SGIP1: variants seen among roughly 807,000 people sequenced by gnomAD.
The protein encoded by SGIP1 is SH3GL interacting endocytic adaptor 1.
SGIP1 carries 38 observed loss-of-function variants against 107.5 expected under a neutral mutation model. The observed-to-expected ratio is 0.35, with a 90% CI of 0.27 to 0.46. The LOEUF is 0.46. Among genes scored for constraint, SGIP1 ranks in the 20% least tolerant of loss-of-function variants. The pLI, the probability that SGIP1 is intolerant of heterozygous loss-of-function variation, is 1.00. For missense variants in SGIP1, 929 were observed against 1,019.5 expected (o/e 0.91, Z 1.21); for synonymous variants, 365 against 366.1 (o/e 1.00, Z 0.03).
At chr1:66,740,820 G>A in intron 23 of SGIP1, 98 bp downstream of exon 23, 1 of 749,978 alleles carries the variant, frequency 1.3e-6, no homozygotes, top group Non-Finnish European at 2.2e-6. Flanking sequence ...ATAAAAACAA[G>A]CAGAATATTT....
chr1:66,561,861 C>T (rs748028344), intron 1 of SGIP1, among the ~76,000 whole-genome samples: 4 of 152,058 alleles, frequency 2.6e-5, no homozygotes, highest in Non-Finnish European at 5.9e-5. Flanking sequence ...TATTAGTACT[C>T]ATTTCTACAT....
chr1:66,673,174 C>T, intron 11 of SGIP1, 107 bp from the exon 12 acceptor site: 1 of 1,125,212 alleles, frequency 8.9e-7, no homozygotes. Context: ...CACTGGTGCA[C>T]ACACACACTT....
chr1:66,660,016 CAGGA>C lies in SGIP1; in HGVS notation c.460-475_460-472del, dbSNP rs1185972938. The C allele has an allele frequency of 5.7e-3, 213 of 37,274 alleles. 13 individuals are homozygous for C. The highest frequency in any genetic ancestry group is 7.4e-3 in the Admixed American group (13 of 1,756). The allele number at this position is 37,274 out of a possible 1,614,324, so 2.3% of individuals were successfully genotyped here. On this transcript the variant is annotated intron_variant, in intron 7 of 24. Transcript: ENST00000371037. Reference sequence around the variant, plus strand: ...AAAGAAAGACAGACAGACAGACAGACAGGAAGGAAGGAAGGAAGGAAGGAAAGAA... The same window carrying C: ...AAAGAAAGACAGACAGACAGACAGACAGGAAGGAAGGAAGGAAGGAAAGAA...
intron 18 of SGIP1, among the ~76,000 whole-genome samples, chr1:66,706,256 A>G (rs2092494438): frequency 6.7e-6 from 1 of 148,962 alleles, no homozygotes; most frequent in African/African-American, 2.4e-5. Flanking sequence ...TATTACCTTT[A>G]TCTCACATTT....
chr1:66,668,818 G>A (rs1003898404), intron 9 of SGIP1, among the ~76,000 whole-genome samples: 1 of 152,200 alleles, frequency 6.6e-6, no homozygotes, highest in Non-Finnish European at 1.5e-5. Context: ...ATCATTCAAA[G>A]TGAGGAAATT....
At chr1:66,679,815 C>A in intron 14 of SGIP1, 63 bp downstream of exon 14, 1 of 1,425,312 alleles carries the variant, frequency 7.0e-7, no homozygotes, top group Non-Finnish European at 9.4e-7. Context: ...CCCGGATGAA[C>A]ATGCCCTTGA....
Position 66,695,415 on chromosome 1 carries a change from T to A in SGIP1, c.1571-19T>A. On this transcript the variant is annotated intron_variant, in intron 17 of 24. Coordinates refer to ENST00000371037, the MANE Select transcript of SGIP1 (RefSeq NM_032291.4). The stretch of plus-strand genomic sequence containing the variant: ...TTTCCTTAACCCTTCCCATCCCGCT[T>A]CAACTCCTGGCCATACAGAGAATGA... 1 of 1,614,174 alleles carries A rather than the reference T, an allele frequency of 6.2e-7. No homozygotes were observed. The highest frequency in any genetic ancestry group is 8.5e-7 in the Non-Finnish European group (1 of 1,180,020).
chr1:66,669,212 G>C (rs972090366), intron 9 of SGIP1, among the ~76,000 whole-genome samples: 8 of 152,210 alleles, frequency 5.3e-5, no homozygotes, highest in African/African-American at 1.4e-4. Flanking sequence ...TAATAAAAAT[G>C]TTACAGGGGC....
At chr1:66,617,920 C>T (rs12032691) in intron 1 of SGIP1, among the ~76,000 whole-genome samples, 22,437 of 152,100 alleles carry the variant, frequency 0.15, 2,191 homozygotes, top group East Asian at 0.46. Context: ...TCTGAAGTCA[C>T]GAGGAGCCTG....
In SGIP1 at chr1:66,534,213, T is replaced by G. The variant is rs1378409130; in HGVS notation, c.-146T>G. 1 of 789,244 alleles carries G rather than the reference T, an allele frequency of 1.3e-6. No homozygotes were observed. The highest frequency in any genetic ancestry group is 2.2e-6 in the Non-Finnish European group (1 of 461,160). 48.9% of individuals were successfully genotyped at this position (789,244 alleles called of 1,614,324 possible). A position where few individuals can be genotyped will look rare whatever the true frequency, so the allele number is the denominator to read the frequency against. On this transcript the variant is annotated 5_prime_UTR_variant, in exon 1 of 25. Coordinates refer to ENST00000371037, the MANE Select transcript of SGIP1 (RefSeq NM_032291.4). Reference sequence around the variant, plus strand: ...CCAGCAGCATCCATGGCCTGTCTTTTGGCTTAACACTTATCTCCTTTGGCT... The same window carrying G: ...CCAGCAGCATCCATGGCCTGTCTTTGGGCTTAACACTTATCTCCTTTGGCT...
intron 2 of SGIP1, among the ~76,000 whole-genome samples, chr1:66,632,504 G>C (rs1409656451): frequency 6.6e-6 from 1 of 152,176 alleles, no homozygotes; most frequent in Non-Finnish European, 1.5e-5. Context: ...GCTGGGCTCA[G>C]TGATGCTCTC....
At chr1:66,689,779 A>ACG (rs2089394993) in intron 16 of SGIP1, among the ~76,000 whole-genome samples, 1 of 152,216 alleles carries the variant, frequency 6.6e-6, no homozygotes, top group African/African-American at 2.4e-5. Flanking sequence ...GACTTGTGGC[A>ACG]GAAGTAGATT....
At chr1:66,731,272 T>C (rs2093997267) in intron 20 of SGIP1, among the ~76,000 whole-genome samples, 1 of 152,222 alleles carries the variant, frequency 6.6e-6, no homozygotes, top group Non-Finnish European at 1.5e-5. Flanking sequence ...TGAGCCAGTT[T>C]ATTTTTCAAG....
chr1:66,680,627 T>C (rs2149978830), intron 14 of SGIP1, among the ~76,000 whole-genome samples: 1 of 152,336 alleles, frequency 6.6e-6, no homozygotes, highest in East Asian at 1.9e-4. Flanking sequence ...TAAGTAAAGA[T>C]GTTTGCAGGT....
chr1:66,627,286 A>G (rs373043179), intron 2 of SGIP1, among the ~76,000 whole-genome samples: 1 of 152,126 alleles, frequency 6.6e-6, no homozygotes, highest in Non-Finnish European at 1.5e-5. Flanking sequence ...TTGGCCTTCA[A>G]GAAGATGAGG....
At position 66,643,537 on chromosome 1, in the gene SGIP1, G is replaced by A. The variant is rs954626911; in HGVS notation, c.284-7G>A. ...GAAAGAGTTATGTATCTTTAACTGT[G>A]TTCTACCTACCAAAGGAAAGCACTT... On this transcript the variant is annotated splice_region_variant and splice_polypyrimidine_tract_variant and intron_variant, in intron 6 of 24. Coordinates refer to ENST00000371037, the MANE Select transcript of SGIP1 (RefSeq NM_032291.4). 23 of 1,603,756 alleles carry A rather than the reference G, an allele frequency of 1.4e-5. No individual in the cohort carries two copies. Among genetic ancestry groups the A allele is most frequent in the Non-Finnish European group, 2.0e-5 (23 of 1,176,086 alleles).
At chr1:66,535,739 A>G (rs908044283) in intron 1 of SGIP1, among the ~76,000 whole-genome samples, 33 of 152,238 alleles carry the variant, frequency 2.2e-4, no homozygotes, top group African/African-American at 7.5e-4. Flanking sequence ...ACACTCTCAG[A>G]TTAAATCATT....
intron 1 of SGIP1, among the ~76,000 whole-genome samples, chr1:66,615,648 C>A (rs993774233): frequency 4.6e-5 from 7 of 151,798 alleles, no homozygotes; most frequent in Admixed American, 3.9e-4. Context: ...TTTTTTAAAC[C>A]TCATTTGGTT....
Position 66,689,197 on chromosome 1 carries a change from T to C in SGIP1, c.1365T>C (p.Ser455=), listed in dbSNP as rs773270295. ...RPATPLVPCR[S]TTPPPPPPRP... The stretch of plus-strand genomic sequence containing the variant: ...CCACTCCTTTGGTTCCTTGCAGAAG[T>C]ACCACTCCACCTCCACCTCCTCCCC... Residue 455 remains serine, a synonymous_variant, in exon 16 of 25, where the codon AGT becomes AGC. Transcript: ENST00000371037. 15 of 1,613,776 alleles carry C rather than the reference T, an allele frequency of 9.3e-6. No homozygotes were observed. The South Asian group carries it at 1.6e-4, about 18-fold the overall frequency.
Sources: allele counts gnomAD v4.1 joint callset (sites outside exome capture counted in the v4.1 genomes callset), GRCh38; gene constraint gnomAD v4.1.1; transcripts MANE v1.5; gene names NCBI Gene and HGNC (gene_info 2026-07-23, HGNC 2026-07-21).